Variants in HNRNPR observed in about 807,000 individuals in gnomAD.
HNRNPR encodes the protein heterogeneous nuclear ribonucleoprotein R.
Under a neutral mutation model 70.3 loss-of-function variants are expected in HNRNPR, and 4 were observed. The observed-to-expected ratio is 0.06, with a 90% CI of 0.03 to 0.13. HNRNPR has a LOEUF of 0.13. HNRNPR is among the 10% of genes least tolerant of loss of function. The pLI, the probability that HNRNPR is intolerant of heterozygous loss-of-function variation, is 1.00. For missense variants in HNRNPR, 423 were observed against 788.5 expected, an observed-to-expected ratio of 0.54 and a Z score of 5.55; for synonymous variants, 241 against 267.6, an observed-to-expected ratio of 0.90 and a Z score of 0.97.
intron 5 of HNRNPR, among the ~76,000 whole-genome samples, chr1:23,324,930 G>A (rs926828828): frequency 6.6e-6 from 1 of 151,790 alleles, no homozygotes; most frequent in African/African-American, 2.4e-5. Context: ...CACGAAGTCA[G>A]GAGACCGAGA....
intron 5 of HNRNPR, among the ~76,000 whole-genome samples, chr1:23,325,214 A>G (rs1187963670): frequency 2.0e-5 from 3 of 152,182 alleles, no homozygotes; most frequent in Non-Finnish European, 4.4e-5. Context: ...TAGTATTTGC[A>G]TGACAAATTT....
chr1:23,331,834 T>TAAAAAAAAAAAAAAAAAAAAAA (rs59006948), intron 5 of HNRNPR, among the ~76,000 whole-genome samples: 1 of 59,242 alleles, frequency 1.7e-5, no homozygotes, highest in African/African-American at 4.6e-5. Context: ...ACTGTTTCTT[T>TAAAAAAAAAAAAAAAAAAAAAA]AAAAAAAAAA....
intron 5 of HNRNPR, among the ~76,000 whole-genome samples, chr1:23,326,949 GT>G (rs1208253827): frequency 6.6e-6 from 1 of 152,100 alleles, no homozygotes; most frequent in African/African-American, 2.4e-5. Context: ...ATGAAGACAT[GT>G]TTGTAACAAA....
In HNRNPR at chr1:23,323,743, A is replaced by C; in HGVS notation, c.499-11T>G. On this transcript the variant is annotated splice_polypyrimidine_tract_variant and intron_variant, in intron 5 of 10. Transcript: ENST00000302271. ...TTTGCCTACAAATACCTGAAATAAA[A>C]CCCCCTTATTAGAATCCAACATAAG... 6.2e-7 allele frequency: 1 copy of C among 1,610,340 alleles called. No individual in the cohort carries two copies. The highest frequency in any genetic ancestry group is 1.7e-5 in the Admixed American group (1 of 59,916).
intron 1 of HNRNPR, among the ~76,000 whole-genome samples, chr1:23,342,862 A>T (rs1646754781): frequency 6.6e-6 from 1 of 152,256 alleles, no homozygotes. Flanking sequence ...ATTAAGTACA[A>T]GACAGAAATA....
intron 7 of HNRNPR, among the ~76,000 whole-genome samples, chr1:23,320,943 G>GATCACC (rs1156632208): frequency 6.6e-6 from 1 of 152,064 alleles, no homozygotes; most frequent in Non-Finnish European, 1.5e-5. Flanking sequence ...GAGGCGGGAG[G>GATCACC]ATCACCAGAG....
intron 4 of HNRNPR, among the ~76,000 whole-genome samples, chr1:23,335,327 T>C (rs1355337548): frequency 6.6e-6 from 1 of 152,206 alleles, no homozygotes; most frequent in East Asian, 1.9e-4. Context: ...TCCATTCTTC[T>C]ACCTTTGACT....
At chr1:23,337,726 C>T in intron 4 of HNRNPR, 28 bp downstream of exon 4, 1 of 1,339,414 alleles carries the variant, frequency 7.5e-7, no homozygotes, top group Non-Finnish European at 1.1e-6. Context: ...AATGCAATTT[C>T]ATTACAACTA....
chr1:23,335,699 C>T (rs1223263757), intron 4 of HNRNPR, among the ~76,000 whole-genome samples: 1 of 152,044 alleles, frequency 6.6e-6, no homozygotes, highest in African/African-American at 2.4e-5. Context: ...CATCTAGTTG[C>T]AGGAAAACAA....
At chr1:23,337,975 T>TC in intron 3 of HNRNPR, 114 bp from the exon 4 acceptor site, 1 of 698,844 alleles carries the variant, frequency 1.4e-6, no homozygotes, top group South Asian at 1.8e-5. Flanking sequence ...ATTTACTGAT[T>TC]CATTCAACAA....
rs1645266089 is a variant in HNRNPR, at chr1:23,309,799, T to C, written c.*655A>G. ...TGAAATAGGTAATGTTTTGAATAGA[T>C]TTTTTAGTTTTATTGAAATCTTACA... On this transcript the variant is annotated 3_prime_UTR_variant, in exon 11 of 11. Transcript: ENST00000302271. 6.6e-6 allele frequency: 1 copy of C among 152,610 alleles called. No homozygotes were observed. Among genetic ancestry groups the C allele is most frequent in the African/African-American group, 2.4e-5 (1 of 41,434 alleles). The allele number at this position is 152,610 out of a possible 1,614,324, so 9.5% of individuals were successfully genotyped here.
intron 1 of HNRNPR, among the ~76,000 whole-genome samples, chr1:23,341,531 G>A (rs1317254667): frequency 2.0e-5 from 3 of 151,952 alleles, no homozygotes; most frequent in African/African-American, 7.3e-5. Context: ...ACATGCTGGT[G>A]GTTTGGGTTT....
chr1:23,336,254 C>T (rs951221949), intron 4 of HNRNPR, among the ~76,000 whole-genome samples: 19 of 150,526 alleles, frequency 1.3e-4, no homozygotes, highest in African/African-American at 4.2e-4. Flanking sequence ...AGTGAAACCC[C>T]GACTCTACCA....
intron 4 of HNRNPR, among the ~76,000 whole-genome samples, chr1:23,335,889 G>T (rs1269048064): frequency 6.7e-6 from 1 of 149,164 alleles, no homozygotes; most frequent in Admixed American, 6.7e-5. Flanking sequence ...AGGCTGAGGC[G>T]GGCGGATCAC....
At chr1:23,312,520 G>C (rs1447454224) in intron 9 of HNRNPR, among the ~76,000 whole-genome samples, 1 of 152,158 alleles carries the variant, frequency 6.6e-6, no homozygotes, top group Non-Finnish European at 1.5e-5. Context: ...GAACGGATAA[G>C]AGTATAACAG....
Position 23,337,638 on chromosome 1 carries a change from G to C in HNRNPR, c.384+116C>G, listed in dbSNP as rs572144433. The stretch of plus-strand genomic sequence containing the variant: ...CGCCGCTACTCCAGCCTGGGCGACA[G>C]AGCAAGACTCCGTCTCAAAAAAAAA... On this transcript the variant is annotated intron_variant, in intron 4 of 10. Coordinates refer to ENST00000302271, the MANE Select transcript of HNRNPR (RefSeq NM_005826.5). 3.5e-4 allele frequency: 233 copies of C among 665,598 alleles called. 3 individuals are homozygous for C. The highest frequency in any genetic ancestry group is 2.3e-3 in the South Asian group (124 of 54,562). 41.2% of individuals were successfully genotyped at this position (665,598 alleles called of 1,614,324 possible). A position where few individuals can be genotyped will look rare whatever the true frequency, so the allele number is the denominator to read the frequency against.
chr1:23,330,201 C>G (rs1557895115), intron 5 of HNRNPR, among the ~76,000 whole-genome samples: 1 of 152,078 alleles, frequency 6.6e-6, no homozygotes, highest in African/African-American at 2.4e-5. Context: ...TATACACAGT[C>G]ATGACCTCCA....
rs575577130 is a variant in HNRNPR, at chr1:23,315,492, T to C, written c.1018-1790A>G. On this transcript the variant is annotated intron_variant, in intron 8 of 10. Transcript: ENST00000302271. ...GGATGGTGAATAAACAAAAGGTAGA[T>C]CAGTGGATATGGTAGGCTACCAACA... 3.9e-5 allele frequency among the ~76,000 whole-genome samples: 6 copies of C among 152,068 alleles called. No individual in the cohort carries two copies. In the South Asian group the frequency reaches 1.2e-3, roughly 32 times the overall value.
rs1350323649 is a variant in HNRNPR at position 23,307,552 on chromosome 1, A to C, written c.*2902T>G. ...ATTTTAAAAAAACTACAGAATCATAACTCATTTTCCTTATCTTTTCACCAA... is the reference window on the plus strand; with the variant it reads ...ATTTTAAAAAAACTACAGAATCATACCTCATTTTCCTTATCTTTTCACCAA... On this transcript the variant is annotated 3_prime_UTR_variant, in exon 11 of 11. Coordinates refer to ENST00000302271, the MANE Select transcript of HNRNPR (RefSeq NM_005826.5). 1 of 151,862 alleles carries C rather than the reference A, an allele frequency of 6.6e-6. No homozygotes were observed. Among genetic ancestry groups the C allele is most frequent in the African/African-American group, 2.4e-5 (1 of 41,404 alleles). 9.4% of individuals were successfully genotyped at this position (151,862 alleles called of 1,614,324 possible).
Sources: gnomAD v4.1 joint callset for allele counts (sites outside exome capture counted in the v4.1 genomes callset) on GRCh38, gnomAD v4.1.1 for gene constraint, MANE v1.5 for transcripts, NCBI Gene and HGNC (gene_info 2026-07-23, HGNC 2026-07-21) for gene names.